The following KLHL1 variants were observed in gnomAD, a reference collection of about 807,000 sequenced individuals.
The protein encoded by KLHL1 is kelch like family member 1, also known as kelch-like protein 1.
Under a neutral mutation model 77.7 loss-of-function variants are expected in KLHL1, and 47 were observed. The ratio of observed to expected loss-of-function variants is 0.60; its 90% CI spans 0.48 to 0.77. The LOEUF (loss-of-function observed/expected upper bound fraction) is 0.77, where lower values mean the gene tolerates loss of function less well. Among genes scored for constraint, KLHL1 ranks in the 30% least tolerant of loss-of-function variants. The pLI is 0.00. For missense variants in KLHL1, 925 were observed against 910.8 expected (o/e 1.02, Z -0.20); for synonymous variants, 360 against 325.2 (o/e 1.11, Z -1.15).
At chr13:69,755,774 T>C (rs866122206) in intron 7 of KLHL1, among the ~76,000 whole-genome samples, 1 of 152,194 alleles carries the variant, frequency 6.6e-6, no homozygotes, top group Non-Finnish European at 1.5e-5. Context: ...TGTATTTCAA[T>C]AATTGCTAAA....
chr13:69,770,365 G>A (rs1377645538), intron 7 of KLHL1, among the ~76,000 whole-genome samples: 1 of 152,228 alleles, frequency 6.6e-6, no homozygotes, highest in Non-Finnish European at 1.5e-5. Flanking sequence ...AGCTTTGCTG[G>A]CCACGGAGGT....
chr13:69,753,732 C>T (rs1291480277), intron 7 of KLHL1, among the ~76,000 whole-genome samples: 1 of 152,108 alleles, frequency 6.6e-6, no homozygotes, highest in Non-Finnish European at 1.5e-5. Context: ...GAAGATTATT[C>T]TCTACTGTAT....
intron 6 of KLHL1, among the ~76,000 whole-genome samples, chr13:69,831,640 T>C (rs1315808778): frequency 6.7e-6 from 1 of 149,358 alleles, no homozygotes; most frequent in Non-Finnish European, 1.5e-5. Flanking sequence ...GGAAAGGACA[T>C]AATAAAAAAG....
At chr13:70,018,261 G>A (rs1239420307) in intron 1 of KLHL1, among the ~76,000 whole-genome samples, 1 of 152,136 alleles carries the variant, frequency 6.6e-6, no homozygotes. Context: ...CTATCCTAAA[G>A]TTATAAATTA....
At chr13:69,872,055 A>C (rs1211017526) in intron 5 of KLHL1, among the ~76,000 whole-genome samples, 1 of 152,176 alleles carries the variant, frequency 6.6e-6, no homozygotes, top group African/African-American at 2.4e-5. Flanking sequence ...ATAAAGGACT[A>C]CCTGAGGCTA....
intron 4 of KLHL1, among the ~76,000 whole-genome samples, chr13:69,922,529 T>C (rs1882677977): frequency 6.6e-6 from 1 of 152,186 alleles, no homozygotes; most frequent in Non-Finnish European, 1.5e-5. Flanking sequence ...AAATTGGAAA[T>C]AGATTTAATT....
intron 1 of KLHL1, among the ~76,000 whole-genome samples, chr13:70,073,814 G>T (rs35604564): frequency 6.7e-6 from 1 of 150,076 alleles, no homozygotes; most frequent in South Asian, 2.1e-4. Flanking sequence ...TGAAATGCAG[G>T]AGAGCAAACA....
At chr13:69,899,219 A>T (rs1881767226) in intron 4 of KLHL1, among the ~76,000 whole-genome samples, 2 of 152,160 alleles carry the variant, frequency 1.3e-5, no homozygotes, top group African/African-American at 4.8e-5. Context: ...GGCTCTTCAG[A>T]CTATCCATTT....
At chr13:69,938,030 GA>G (rs1010730910) in intron 4 of KLHL1, among the ~76,000 whole-genome samples, 33 of 150,898 alleles carry the variant, frequency 2.2e-4, no homozygotes, top group Non-Finnish European at 3.4e-4. Context: ...CAGTTAAGGA[GA>G]AAAAAAAACA....
chr13:69,936,145 A>T (rs953919419), intron 4 of KLHL1, among the ~76,000 whole-genome samples: 2 of 152,198 alleles, frequency 1.3e-5, no homozygotes, highest in African/African-American at 2.4e-5. Flanking sequence ...AGAATTTGAT[A>T]ATGGATTCCA....
intron 6 of KLHL1, among the ~76,000 whole-genome samples, chr13:69,821,013 A>C (rs1323043133): frequency 6.6e-6 from 1 of 152,244 alleles, no homozygotes; most frequent in African/African-American, 2.4e-5. Context: ...ACCACTGTAG[A>C]GTGAAAGCAG....
intron 7 of KLHL1, among the ~76,000 whole-genome samples, chr13:69,764,991 G>GC (rs1210450524): frequency 9.8e-6 from 1 of 102,096 alleles, no homozygotes; most frequent in African/African-American, 3.7e-5. Context: ...TCGCTTTGTC[G>GC]CCCAGGCTGG....
intron 1 of KLHL1, among the ~76,000 whole-genome samples, chr13:70,016,655 C>A (rs893900497): frequency 2.0e-5 from 3 of 152,118 alleles, no homozygotes; most frequent in Admixed American, 2.0e-4. Context: ...TCAGCACAGG[C>A]CTGCAGGTGC....
chr13:69,880,215 T>C (rs1880935168), intron 5 of KLHL1, among the ~76,000 whole-genome samples: 1 of 152,204 alleles, frequency 6.6e-6, no homozygotes, highest in African/African-American at 2.4e-5. Context: ...GTAACAGATT[T>C]AATAATCTTT....
intron 4 of KLHL1, among the ~76,000 whole-genome samples, chr13:69,919,085 C>T (rs1166720727): frequency 2.0e-5 from 3 of 151,960 alleles, no homozygotes; most frequent in Non-Finnish European, 4.4e-5. Flanking sequence ...TTGTCTAACA[C>T]CATAATGGTC....
At chr13:69,767,369 A>G (rs1875356882) in intron 7 of KLHL1, among the ~76,000 whole-genome samples, 1 of 152,154 alleles carries the variant, frequency 6.6e-6, no homozygotes, top group South Asian at 2.1e-4. Flanking sequence ...TCACAAATAA[A>G]AACTCTTTTT....
chr13:69,911,619 G>A (rs1278541465), intron 4 of KLHL1, among the ~76,000 whole-genome samples: 2 of 149,408 alleles, frequency 1.3e-5, no homozygotes, highest in African/African-American at 4.9e-5. Context: ...ACAATGCTAA[G>A]AAAATCAGTT....
At chr13:70,001,451 T>C (rs1885284583) in intron 1 of KLHL1, among the ~76,000 whole-genome samples, 3 of 151,222 alleles carry the variant, frequency 2.0e-5, no homozygotes, top group Non-Finnish European at 3.0e-5. Flanking sequence ...AGAAGTAAAG[T>C]ATAAGCTAAA....
chr13:69,952,743 C>T (rs865927730), intron 3 of KLHL1, among the ~76,000 whole-genome samples: 4 of 151,372 alleles, frequency 2.6e-5, no homozygotes, highest in Middle Eastern at 6.8e-3. Flanking sequence ...TAAAGTGCTT[C>T]GTGTTCCCAT....
Sources: allele counts gnomAD v4.1 joint callset (sites outside exome capture counted in the v4.1 genomes callset), GRCh38; gene constraint gnomAD v4.1.1; transcripts MANE v1.5; gene names NCBI Gene and HGNC (gene_info 2026-07-23, HGNC 2026-07-21).